The following KCNH1 variants were observed in gnomAD, a reference collection of about 807,000 sequenced individuals.
The protein encoded by KCNH1 is voltage-gated delayed rectifier potassium channel KCNH1.
A neutral mutation model predicts 69.2 loss-of-function variants in KCNH1; 27 were observed. That is an observed-to-expected ratio of 0.39 (90% confidence interval 0.29 to 0.54). KCNH1 has a LOEUF of 0.54. Among genes scored for constraint, KCNH1 ranks in the 20% least tolerant of loss-of-function variants. The pLI, the probability that KCNH1 is intolerant of heterozygous loss-of-function variation, is 0.68. For synonymous variants in KCNH1, 456 were observed against 487.7 expected, an observed-to-expected ratio of 0.93 and a Z score of 0.86; for missense variants, 798 against 1,261.6, an observed-to-expected ratio of 0.63 and a Z score of 5.57.
chr1:211,060,207 C>T (rs534742852), intron 5 of KCNH1, among the ~76,000 whole-genome samples: 3 of 151,256 alleles, frequency 2.0e-5, no homozygotes, highest in Admixed American at 6.6e-5. Flanking sequence ...ACATAACATA[C>T]CAAAACCTAT....
Position 210,826,883 on chromosome 1 carries a change from C to T in KCNH1, c.1463-22717G>A, listed in dbSNP as rs540773133. Among the ~76,000 whole-genome samples, 6 of 152,368 alleles carry T rather than the reference C, an allele frequency of 3.9e-5. No homozygotes were observed. In the South Asian group the frequency reaches 1.2e-3, roughly 32 times the overall value. ...AGGCTGTGCAAGCACAGAGCCTGGGCAGCACCTGTACCAAGGCTGCCAGTG... is the reference window on the plus strand; with the variant it reads ...AGGCTGTGCAAGCACAGAGCCTGGGTAGCACCTGTACCAAGGCTGCCAGTG... On this transcript the variant is annotated intron_variant, in intron 7 of 10. Transcript: ENST00000271751.
At chr1:210,865,377 GT>G (rs1483874847) in intron 7 of KCNH1, among the ~76,000 whole-genome samples, 1 of 152,222 alleles carries the variant, frequency 6.6e-6, no homozygotes, top group African/African-American at 2.4e-5. Context: ...AGGTCATATA[GT>G]TTTTAAGCAC....
chr1:210,985,465 A>C (rs1688811733), intron 6 of KCNH1, among the ~76,000 whole-genome samples: 1 of 151,998 alleles, frequency 6.6e-6, no homozygotes, highest in Admixed American at 6.6e-5. Flanking sequence ...CGTGTTCCAG[A>C]GATTCTGGTA....
At chr1:210,761,400 C>T (rs1398467936) in intron 10 of KCNH1, among the ~76,000 whole-genome samples, 1 of 151,588 alleles carries the variant, frequency 6.6e-6, no homozygotes, top group Non-Finnish European at 1.5e-5. Flanking sequence ...GCAACATTAA[C>T]CTTGAGTGTA....
At chr1:210,821,624 A>G (rs568538560) in intron 7 of KCNH1, among the ~76,000 whole-genome samples, 1 of 152,250 alleles carries the variant, frequency 6.6e-6, no homozygotes, top group East Asian at 1.9e-4. Flanking sequence ...GGGGGAAACT[A>G]GAAGGAATGT....
intron 1 of KCNH1, among the ~76,000 whole-genome samples, chr1:211,111,638 T>G (rs1032262999): frequency 7.3e-6 from 1 of 137,244 alleles, no homozygotes; most frequent in Non-Finnish European, 1.5e-5. Context: ...CCCCGCCCCG[T>G]CTGGGAAGTG....
intron 5 of KCNH1, among the ~76,000 whole-genome samples, chr1:211,061,869 A>G (rs1690438853): frequency 6.6e-6 from 1 of 152,188 alleles, no homozygotes; most frequent in Admixed American, 6.5e-5. Flanking sequence ...AAGAATCAAT[A>G]TTATTACAAT....
chr1:211,083,182 G>A (rs1690888558), intron 4 of KCNH1, among the ~76,000 whole-genome samples: 1 of 152,260 alleles, frequency 6.6e-6, no homozygotes, highest in African/African-American at 2.4e-5. Context: ...AAGACACAGA[G>A]TGCCTGGACA....
chr1:210,683,870 G>A lies in KCNH1; in HGVS notation c.2381C>T (p.Pro794Leu). The A allele has an allele frequency of 6.2e-7, 1 of 1,614,148 alleles. No homozygotes were observed. Among genetic ancestry groups the A allele is most frequent in the Non-Finnish European group, 8.5e-7 (1 of 1,180,018 alleles). The change falls in exon 11 of 11, where the codon CCT becomes CTT. Residue 794 changes from proline (P) to leucine (L), a missense_variant. Coordinates refer to ENST00000271751, the MANE Select transcript of KCNH1 (RefSeq NM_172362.3). The surrounding 1 kb of genome is among the most constrained non-coding windows in gnomAD (Gnocchi z 5.7). Reference sequence around the variant, plus strand: ...TGCCTGGAAGGATACGGGCGTGGCAGGACTCTCACGCACGGTGACCACGCT... The same window carrying A: ...TGCCTGGAAGGATACGGGCGTGGCAAGACTCTCACGCACGGTGACCACGCT... ...KASVVTVRESPATPVSFQAAS... is the reference protein window; with the variant it reads ...KASVVTVRESLATPVSFQAAS...
At chr1:210,711,330 T>C (rs1029420198) in intron 10 of KCNH1, among the ~76,000 whole-genome samples, 1 of 152,216 alleles carries the variant, frequency 6.6e-6, no homozygotes, top group Non-Finnish European at 1.5e-5. Context: ...TCAGGGGCTG[T>C]TACTCTCTTC....
intron 5 of KCNH1, among the ~76,000 whole-genome samples, chr1:211,077,538 C>T (rs1690758097): frequency 6.6e-6 from 1 of 152,144 alleles, no homozygotes; most frequent in African/African-American, 2.4e-5. Flanking sequence ...AAATAAAATA[C>T]TTTACAGACA....
intron 3 of KCNH1, among the ~76,000 whole-genome samples, chr1:211,101,954 C>A (rs530059545): frequency 1.4e-4 from 22 of 152,298 alleles, no homozygotes; most frequent in African/African-American, 5.1e-4. Flanking sequence ...TGACATGCCA[C>A]TTTGGAGACT....
intron 5 of KCNH1, among the ~76,000 whole-genome samples, chr1:211,021,872 A>G (rs1251966488): frequency 6.6e-6 from 1 of 152,150 alleles, no homozygotes; most frequent in Non-Finnish European, 1.5e-5. Flanking sequence ...GATTAGGAGA[A>G]TTAATATTAT....
At chr1:211,036,423 A>G (rs1289475043) in intron 5 of KCNH1, among the ~76,000 whole-genome samples, 9 of 152,190 alleles carry the variant, frequency 5.9e-5, no homozygotes. Flanking sequence ...TCTTGAAAAG[A>G]AACCAAAAAC....
intron 6 of KCNH1, among the ~76,000 whole-genome samples, chr1:210,996,527 T>C (rs1045316159): frequency 1.3e-5 from 2 of 152,258 alleles, no homozygotes; most frequent in African/African-American, 4.8e-5. Context: ...CAAGGAGGCC[T>C]GCCTGCCTCT....
chr1:211,107,125 T>C (rs1052435931), intron 2 of KCNH1, 129 bp downstream of exon 2: 8 of 954,162 alleles, frequency 8.4e-6, no homozygotes, highest in African/African-American at 3.3e-5. Context: ...AGAGATGATA[T>C]GGCAATAAAT....
At chr1:211,041,944 G>T (rs1218829868) in intron 5 of KCNH1, among the ~76,000 whole-genome samples, 1 of 152,080 alleles carries the variant, frequency 6.6e-6, no homozygotes, top group South Asian at 2.1e-4. Context: ...TGGTAGGGAT[G>T]GGGTTTCATC....
rs897483389 is a variant in KCNH1, at chr1:211,107,394, A to G, written c.80-17T>C. 1 of 1,593,902 alleles carries G rather than the reference A, an allele frequency of 6.3e-7. No homozygotes were observed. On this transcript the variant is annotated splice_polypyrimidine_tract_variant and intron_variant, in intron 1 of 10. Coordinates refer to ENST00000271751, the MANE Select transcript of KCNH1 (RefSeq NM_172362.3). Reference sequence around the variant, plus strand: ...AATTAGTATCTGTTAAAAAAAAAAAAAAGGGAAAAAAGGGCACATGAGGCA... The same window carrying G: ...AATTAGTATCTGTTAAAAAAAAAAAGAAGGGAAAAAAGGGCACATGAGGCA...
intron 6 of KCNH1, among the ~76,000 whole-genome samples, chr1:210,968,040 C>A (rs1416330237): frequency 6.6e-6 from 1 of 151,982 alleles, no homozygotes; most frequent in Non-Finnish European, 1.5e-5. Context: ...ACAACAGTCC[C>A]CAGAGTGTGA....
Sources: allele counts gnomAD v4.1 joint callset (sites outside exome capture counted in the v4.1 genomes callset), GRCh38; gene constraint gnomAD v4.1.1; non-coding constraint Gnocchi (gnomAD v3.1); transcripts MANE v1.5; gene names NCBI Gene and HGNC (gene_info 2026-07-23, HGNC 2026-07-21).